DSCAM: variants seen among roughly 807,000 people sequenced by gnomAD.
DSCAM encodes the protein DS cell adhesion molecule.
Under a neutral mutation model 217.7 loss-of-function variants are expected in DSCAM, and 47 were observed. The ratio of observed to expected loss-of-function variants is 0.22; its 90% CI spans 0.17 to 0.28. The LOEUF (loss-of-function observed/expected upper bound fraction) is 0.28. DSCAM is among the 10% of genes least tolerant of loss of function. DSCAM has a pLI of 1.00. For missense variants in DSCAM, 2,080 were observed against 2,618.3 expected, an observed-to-expected ratio of 0.79 and a Z score of 4.49; for synonymous variants, 1,056 against 1,015.3, an observed-to-expected ratio of 1.04 and a Z score of -0.76.
At position 40,516,351 on chromosome 21, in the gene DSCAM, G is replaced by A. The variant is rs138537827; in HGVS notation, c.509-147106C>T. Among the ~76,000 whole-genome samples, 727 of 152,256 alleles carry A rather than the reference G, an allele frequency of 4.8e-3. 16 individuals carry two copies. Among genetic ancestry groups the A allele is most frequent in the Admixed American group, 0.043 (655 of 15,300 alleles). On this transcript the variant is annotated intron_variant, in intron 3 of 32. Transcript: ENST00000400454. ...GTATTTCATGTTCCATTCAACAGAG[G>A]AAATGCGATGTTTCTCAGACCATGG...
intron 3 of DSCAM, among the ~76,000 whole-genome samples, chr21:40,679,222 C>T (rs546246894): frequency 1.3e-5 from 2 of 152,284 alleles, no homozygotes; most frequent in South Asian, 2.1e-4. Context: ...AAGGAAATAA[C>T]ACCACCACTC....
intron 3 of DSCAM, among the ~76,000 whole-genome samples, chr21:40,481,225 C>A (rs2075979245): frequency 6.6e-6 from 1 of 152,182 alleles, no homozygotes; most frequent in South Asian, 2.1e-4. Context: ...TGCGGTAGCT[C>A]ACGCCTGTAA....
chr21:40,472,464 C>T (rs911087141), intron 3 of DSCAM, among the ~76,000 whole-genome samples: 5 of 152,054 alleles, frequency 3.3e-5, no homozygotes, highest in African/African-American at 1.2e-4. Context: ...TTCTAATTTT[C>T]CTAATTGTTA....
chr21:40,616,646 G>A (rs147979996), intron 3 of DSCAM, among the ~76,000 whole-genome samples: 1 of 152,114 alleles, frequency 6.6e-6, no homozygotes, highest in Non-Finnish European at 1.5e-5. Context: ...ATGCCACTGC[G>A]TGTTTTTTCA....
rs528462335 is a variant in DSCAM at position 40,536,627 on chromosome 21, C to T, written c.508+156183G>A. Among the ~76,000 whole-genome samples, 53 of 152,178 alleles carry T rather than the reference C, an allele frequency of 3.5e-4. No homozygotes were observed. The Middle Eastern group carries it at 0.01, about 29-fold the overall frequency. On this transcript the variant is annotated intron_variant, in intron 3 of 32. Coordinates refer to ENST00000400454, the MANE Select transcript of DSCAM (RefSeq NM_001389.5). ...TTCACCATGTTAGCCAGGATGGTCT[C>T]GATCTCCTGACCTCGTGATCCGCCC...
In DSCAM at chr21:40,041,110, A is replaced by G. The variant is rs148491334; in HGVS notation, c.5686+1261T>C. Among the ~76,000 whole-genome samples the G allele has an allele frequency of 3.6e-3, 548 of 152,286 alleles. 4 individuals are homozygous for G. Among genetic ancestry groups the G allele is most frequent in the African/African-American group, 0.013 (523 of 41,562 alleles). On this transcript the variant is annotated intron_variant, in intron 32 of 32. Transcript: ENST00000400454. ...ATTCTTATTTTATATATTTTTATGCATTTATAAAGCTCATTTCAGCTAGGC... is the reference window on the plus strand; with the variant it reads ...ATTCTTATTTTATATATTTTTATGCGTTTATAAAGCTCATTTCAGCTAGGC...
At chr21:40,360,783 A>G (rs900931199) in intron 4 of DSCAM, among the ~76,000 whole-genome samples, 4 of 152,212 alleles carry the variant, frequency 2.6e-5, no homozygotes, top group Admixed American at 6.5e-5. Context: ...ATACAAGTGC[A>G]TATGTCTTTT....
At chr21:40,342,648 A>ATATATATATATATAT (rs61637421) in intron 6 of DSCAM, among the ~76,000 whole-genome samples, 1 of 80,322 alleles carries the variant, frequency 1.2e-5, no homozygotes, top group African/African-American at 5.2e-5. Flanking sequence ...ATATATATAT[A>ATATATATATATATAT]TTTTTTTTTT....
chr21:40,390,472 T>C (rs1028424073), intron 3 of DSCAM, among the ~76,000 whole-genome samples: 3 of 152,206 alleles, frequency 2.0e-5, no homozygotes, highest in Non-Finnish European at 1.5e-5. Context: ...GCTCTTGGCT[T>C]CACCTTCTGA....
chr21:40,739,977 T>C (rs1005339764), intron 1 of DSCAM, among the ~76,000 whole-genome samples: 2 of 138,330 alleles, frequency 1.4e-5, no homozygotes, highest in Non-Finnish European at 3.2e-5. Flanking sequence ...TTTTTTTTTT[T>C]TTTTTTTTTG....
intron 20 of DSCAM, among the ~76,000 whole-genome samples, chr21:40,097,877 C>A (rs2089695393): frequency 7.0e-6 from 1 of 143,810 alleles, no homozygotes; most frequent in Non-Finnish European, 1.5e-5. Flanking sequence ...GGAGGCGGAG[C>A]TTGCAGTGAG....
chr21:40,659,712 A>C (rs1206837280), intron 3 of DSCAM, among the ~76,000 whole-genome samples: 1 of 152,008 alleles, frequency 6.6e-6, no homozygotes, highest in Non-Finnish European at 1.5e-5. Context: ...GTATCTATCG[A>C]TCGATCCATC....
At chr21:40,373,496 A>C (rs1211800553) in intron 3 of DSCAM, among the ~76,000 whole-genome samples, 1 of 152,172 alleles carries the variant, frequency 6.6e-6, no homozygotes, top group Non-Finnish European at 1.5e-5. Flanking sequence ...GAACCTGGAG[A>C]GCAATCAAGG....
At chr21:40,299,490 T>C (rs1334279927) in intron 9 of DSCAM, among the ~76,000 whole-genome samples, 1 of 152,112 alleles carries the variant, frequency 6.6e-6, no homozygotes, top group East Asian at 1.9e-4. Context: ...AAGAATATGC[T>C]TGGGTTGAGT....
intron 1 of DSCAM, among the ~76,000 whole-genome samples, chr21:40,793,307 T>A (rs553745395): frequency 6.6e-6 from 1 of 152,252 alleles, no homozygotes; most frequent in East Asian, 1.9e-4. Context: ...GATCATGATC[T>A]CATTAATTGG....
chr21:40,406,734 G>A (rs987675996), intron 3 of DSCAM, among the ~76,000 whole-genome samples: 1 of 152,084 alleles, frequency 6.6e-6, no homozygotes, highest in African/African-American at 2.4e-5. Context: ...GAGACTATAG[G>A]TGTGTGCCAC....
At chr21:40,580,140 G>A (rs562799978) in intron 3 of DSCAM, among the ~76,000 whole-genome samples, 2 of 151,194 alleles carry the variant, frequency 1.3e-5, no homozygotes, top group South Asian at 4.2e-4. Context: ...GGAGTGCAGT[G>A]GCGCGATCTC....
At position 40,320,536 on chromosome 21, in the gene DSCAM, T is replaced by C. The variant is rs77169400; in HGVS notation, c.1784-8177A>G. Among the ~76,000 whole-genome samples, 912 of 152,300 alleles carry C rather than the reference T, an allele frequency of 6.0e-3. 9 individuals are homozygous for C. Among genetic ancestry groups the C allele is most frequent in the African/African-American group, 0.021 (869 of 41,560 alleles). On this transcript the variant is annotated intron_variant, in intron 8 of 32. Transcript: ENST00000400454. ...TAAATTTTGTCACTGTGTTAGTCCATTTTCATGCTGTGGATAAAGACATAT... is the reference window on the plus strand; with the variant it reads ...TAAATTTTGTCACTGTGTTAGTCCACTTTCATGCTGTGGATAAAGACATAT...
In DSCAM at chr21:40,615,200, T is replaced by G. The variant is rs192669860; in HGVS notation, c.508+77610A>C. ...ACACCTGTAAACCCAGGAGAATGCC[T>G]TGAACCAGGAGGTGGAGGTTGCAGT... is the stretch of plus-strand genomic sequence containing the variant. On this transcript the variant is annotated intron_variant, in intron 3 of 32. Coordinates refer to ENST00000400454, the MANE Select transcript of DSCAM (RefSeq NM_001389.5). Among the ~76,000 whole-genome samples the G allele has an allele frequency of 7.3e-4, 108 of 148,538 alleles. No homozygotes were observed. In the East Asian group the frequency reaches 0.02, roughly 27 times the overall value.
Sources: allele counts gnomAD v4.1 joint callset (sites outside exome capture counted in the v4.1 genomes callset), GRCh38; gene constraint gnomAD v4.1.1; transcripts MANE v1.5; gene names NCBI Gene and HGNC (gene_info 2026-07-23, HGNC 2026-07-21).